The following CFI variants were observed in gnomAD, a reference collection of about 807,000 sequenced individuals.
CFI encodes complement factor I.
CFI carries 66 observed loss-of-function variants against 78.8 expected under a neutral mutation model. The ratio of observed to expected loss-of-function variants is 0.84; its 90% CI spans 0.69 to 1.03. The LOEUF (loss-of-function observed/expected upper bound fraction) is 1.03, where lower values mean the gene tolerates loss of function less well. Among genes scored for constraint, CFI ranks in the 50% least tolerant of loss-of-function variants. CFI has a pLI of 0.00. For synonymous variants in CFI, 250 were observed against 232.6 expected, an observed-to-expected ratio of 1.07 and a Z score of -0.68; for missense variants, 706 against 704.5, an observed-to-expected ratio of 1.00 and a Z score of -0.02.
chr4:109,755,793 C>T (rs974685708), intron 7 of CFI, among the ~76,000 whole-genome samples: 2 of 152,130 alleles, frequency 1.3e-5, no homozygotes, highest in African/African-American at 4.8e-5. Context: ...GACACTTGCC[C>T]AGCTAGATGC....
At chr4:109,776,726 G>T (rs576462606) in intron 1 of CFI, among the ~76,000 whole-genome samples, 4 of 152,334 alleles carry the variant, frequency 2.6e-5, no homozygotes, top group East Asian at 3.9e-4. Context: ...CAGAGAGAAA[G>T]GTGGGGTTAC....
At chr4:109,731,275 G>A in the CFI span, among the ~76,000 whole-genome samples, 1 of 152,098 alleles carries the variant, frequency 6.6e-6, no homozygotes, top group Admixed American at 6.5e-5. Flanking sequence ...GAACCCAGGA[G>A]GTGGATGGAT....
At chr4:109,759,251 TC>T (rs1341882261) in intron 6 of CFI, among the ~76,000 whole-genome samples, 3 of 43,188 alleles carry the variant, frequency 6.9e-5, no homozygotes, top group Non-Finnish European at 2.0e-4. Flanking sequence ...ACTCAGTTTC[TC>T]TAAAAAAAAA....
At chr4:109,740,475 G>A (rs1027193163), downstream of CFI, among the ~76,000 whole-genome samples, 2 of 152,186 alleles carry the variant, frequency 1.3e-5, no homozygotes, top group Non-Finnish European at 2.9e-5. Context: ...ATTTATGTAA[G>A]TATGTAGTTT....
At chr4:109,754,068 C>T (rs962053995) in intron 7 of CFI, among the ~76,000 whole-genome samples, 1 of 151,392 alleles carries the variant, frequency 6.6e-6, no homozygotes, top group Non-Finnish European at 1.5e-5. Flanking sequence ...ACTGCAACAT[C>T]CGCCTCCCAG....
chr4:109,799,510 T>C (rs943454934), intron 1 of CFI, among the ~76,000 whole-genome samples: 3 of 152,142 alleles, frequency 2.0e-5, no homozygotes, highest in African/African-American at 7.2e-5. Context: ...CCATATTAGA[T>C]AGACAGATTT....
chr4:109,759,070 G>A (rs965301697), intron 6 of CFI, among the ~76,000 whole-genome samples: 3 of 152,146 alleles, frequency 2.0e-5, no homozygotes, highest in African/African-American at 7.2e-5. Context: ...TCTAGCCTAG[G>A]CAATAAAGCA....
At chr4:109,770,350 G>A (rs1282387828) in intron 1 of CFI, among the ~76,000 whole-genome samples, 3 of 151,812 alleles carry the variant, frequency 2.0e-5, no homozygotes, top group Non-Finnish European at 4.4e-5. Context: ...AGTTGAGGTC[G>A]GGAGTTTGAG....
intron 1 of CFI, among the ~76,000 whole-genome samples, chr4:109,783,624 T>C (rs1730342810): frequency 1.3e-5 from 2 of 151,642 alleles, no homozygotes; most frequent in African/African-American, 4.8e-5. Context: ...GGAGATTCCT[T>C]AAAGGACTAA....
chr4:109,790,206 T>C (rs868373768), intron 1 of CFI, among the ~76,000 whole-genome samples: 99 of 152,172 alleles, frequency 6.5e-4, no homozygotes, highest in African/African-American at 2.3e-3. Context: ...CTCTTTTTTC[T>C]TTCTCAGTTT....
At chr4:109,753,845 CTTATATTATATATTATATAAT>C (rs1725742160) in intron 7 of CFI, among the ~76,000 whole-genome samples, 1 of 47,848 alleles carries the variant, frequency 2.1e-5, no homozygotes, top group South Asian at 7.2e-4. Flanking sequence ...AATGTATAAT[CTTATATTATATATTATATAAT>C]GTATAATTTT....
Position 109,740,984 on chromosome 4 carries a change from T to A in CFI, c.1661A>T (p.Glu554Val), listed in dbSNP as rs754572081. ...VSWGENCGKP[E>V]FPGVYTKVAN... ...CACTTTGGTGTAAACACCTGGGAAC[T>A]CTGGTTTTCCACAGTTTTCCCCCCA... The change falls in exon 13 of 13, where the codon GAG (glutamate) becomes GTG (valine). Residue 554 changes from glutamate to valine, a missense_variant. Coordinates refer to ENST00000394634, the MANE Select transcript of CFI (RefSeq NM_000204.5). 4.6e-5 allele frequency: 75 copies of A among 1,614,078 alleles called. No individual in the cohort carries two copies. Among genetic ancestry groups the A allele is most frequent in the Non-Finnish European group, 5.9e-5 (70 of 1,180,016 alleles).
intron 11 of CFI, among the ~76,000 whole-genome samples, chr4:109,743,077 C>A (rs1724001396): frequency 6.6e-6 from 1 of 152,176 alleles, no homozygotes; most frequent in South Asian, 2.1e-4. Context: ...GAAGAAAAAT[C>A]CATCTCCTAA....
Position 109,746,408 on chromosome 4 carries a change from TTCTATCCAC to T in CFI, c.1234_1242del (p.Val412_Arg414del). On this transcript the variant is annotated inframe_deletion, in exon 11 of 13. Coordinates refer to ENST00000394634, the MANE Select transcript of CFI (RefSeq NM_000204.5). ...GCATTGTAGTTTTCATGGAAAATAATTCTATCCACGTATTCAATTACTATACGTTTAAGG... is the reference window on the plus strand; with the variant it reads ...GCATTGTAGTTTTCATGGAAAATAATGTATTCAATTACTATACGTTTAAGG... 6.2e-7 allele frequency: 1 copy of T among 1,614,118 alleles called. No individual in the cohort carries two copies. Among genetic ancestry groups the T allele is most frequent in the Middle Eastern group, 1.7e-4 (1 of 6,060 alleles).
intron 11 of CFI, among the ~76,000 whole-genome samples, chr4:109,743,639 A>T (rs1399953655): frequency 6.6e-6 from 1 of 152,244 alleles, no homozygotes; most frequent in Non-Finnish European, 1.5e-5. Context: ...AAATGTGTTA[A>T]ACCTTTGATC....
intron 1 of CFI, among the ~76,000 whole-genome samples, chr4:109,786,484 C>A (rs977764927): frequency 2.6e-5 from 4 of 152,058 alleles, no homozygotes; most frequent in African/African-American, 9.7e-5. Context: ...TTTTTCTAGA[C>A]CTTATTAACC....
rs376567236 is a variant in CFI, at chr4:109,763,810, A to G, written c.482+727T>C. Among the ~76,000 whole-genome samples the G allele has an allele frequency of 8.6e-5, 13 of 152,002 alleles. No homozygotes were observed. The East Asian group carries it at 1.2e-3, about 14-fold the overall frequency. Reference sequence around the variant, plus strand: ...GGGATATTCTCTAACCACACAGAATAAGAAAATCAATAACACAAAGTTAAC... The same window carrying G: ...GGGATATTCTCTAACCACACAGAATGAGAAAATCAATAACACAAAGTTAAC... On this transcript the variant is annotated intron_variant, in intron 3 of 12. Coordinates refer to ENST00000394634, the MANE Select transcript of CFI (RefSeq NM_000204.5).
In CFI at chr4:109,784,706, C is replaced by A. The variant is rs566281008; in HGVS notation, c.57+17209G>T. Among the ~76,000 whole-genome samples the A allele has an allele frequency of 2.2e-4, 34 of 152,230 alleles. No homozygotes were observed. In the South Asian group the frequency reaches 6.8e-3, roughly 31 times the overall value. ...CAAGAAGTCAGTTCTTTCTCTCCAT[C>A]AGCAGTACTAAAAAGACTACTTGAA... On this transcript the variant is annotated intron_variant, in intron 1 of 12. Coordinates refer to ENST00000394634, the MANE Select transcript of CFI (RefSeq NM_000204.5).
chr4:109,762,658 A>T (rs1231368508), intron 3 of CFI: 1 of 152,232 alleles, frequency 6.6e-6, no homozygotes, highest in East Asian at 1.9e-4. Flanking sequence ...AGCAAAAATA[A>T]AACAAGGTGA....
Sources: gnomAD v4.1 joint callset for allele counts (sites outside exome capture counted in the v4.1 genomes callset) on GRCh38, gnomAD v4.1.1 for gene constraint, MANE v1.5 for transcripts, NCBI Gene and HGNC (gene_info 2026-07-23, HGNC 2026-07-21) for gene names.